The following STK33 variants were observed in gnomAD, a reference collection of about 807,000 sequenced individuals.
STK33 encodes serine/threonine kinase 33.
A neutral mutation model predicts 58.0 loss-of-function variants in STK33; 52 were observed. The observed-to-expected ratio is 0.90, with a 90% CI of 0.72 to 1.13. The LOEUF (loss-of-function observed/expected upper bound fraction) is 1.13, where lower values mean the gene tolerates loss of function less well. Ranked by LOEUF, STK33 falls within the 50% of genes most tolerant of loss-of-function variation. The pLI, the probability that STK33 is intolerant of heterozygous loss-of-function variation, is 0.00. For synonymous variants in STK33, 215 were observed against 200.1 expected (o/e 1.07, Z -0.63); for missense variants, 630 against 604.2 (o/e 1.04, Z -0.45).
chr11:8,545,765 A>T (rs1441642339), intron 1 of STK33, among the ~76,000 whole-genome samples: 4 of 152,192 alleles, frequency 2.6e-5, no homozygotes, highest in African/African-American at 9.7e-5. Context: ...TGACCAATAC[A>T]ATCCTGAGCA....
intron 1 of STK33, among the ~76,000 whole-genome samples, chr11:8,566,342 T>C (rs973973581): frequency 3.3e-5 from 5 of 152,240 alleles, no homozygotes; most frequent in East Asian, 1.9e-4. Flanking sequence ...TAGACCCACA[T>C]TGTCTTAAAA....
chr11:8,526,485 T>C (rs965793536), intron 1 of STK33, among the ~76,000 whole-genome samples: 3 of 152,150 alleles, frequency 2.0e-5, no homozygotes, highest in Admixed American at 6.5e-5. Flanking sequence ...GCATATCTTA[T>C]AACTCAAAAA....
chr11:8,446,823 T>C (rs990991429), intron 11 of STK33, among the ~76,000 whole-genome samples: 4 of 152,144 alleles, frequency 2.6e-5, no homozygotes, highest in African/African-American at 7.2e-5. Context: ...TAATTCAAGA[T>C]GGATTAAAGA....
the STK33 span, among the ~76,000 whole-genome samples, chr11:8,378,490 C>T: frequency 1.3e-5 from 2 of 152,168 alleles, no homozygotes; most frequent in Non-Finnish European, 2.9e-5. Flanking sequence ...TGCACTCCAG[C>T]CTGGGCAACA....
chr11:8,520,830 C>T (rs560185762), intron 1 of STK33, among the ~76,000 whole-genome samples: 105 of 151,906 alleles, frequency 6.9e-4, no homozygotes, highest in African/African-American at 2.4e-3. Flanking sequence ...AACCACTGCT[C>T]AATGAAATAA....
chr11:8,535,017 A>G (rs1298798698), intron 1 of STK33, among the ~76,000 whole-genome samples: 2 of 152,186 alleles, frequency 1.3e-5, no homozygotes, highest in Non-Finnish European at 2.9e-5. Flanking sequence ...GAGAGAGAGT[A>G]TGGAAAGTCA....
chr11:8,461,769 A>C (rs368337769), intron 8 of STK33, 36 bp downstream of exon 8: 2 of 1,466,064 alleles, frequency 1.4e-6, no homozygotes, highest in African/African-American at 2.9e-5. Context: ...TGTAATAATA[A>C]CAACTTTCAA....
chr11:8,450,292 A>G (rs956643378), intron 11 of STK33, among the ~76,000 whole-genome samples: 1 of 152,184 alleles, frequency 6.6e-6, no homozygotes, highest in African/African-American at 2.4e-5. Context: ...CATTCTCAGC[A>G]AAGTACCACA....
the STK33 span, among the ~76,000 whole-genome samples, chr11:8,344,650 T>C: frequency 6.6e-6 from 1 of 152,208 alleles, no homozygotes; most frequent in Admixed American, 6.5e-5. Flanking sequence ...GGGTATAAAA[T>C]GACCATTATT....
chr11:8,345,019 C>T, the STK33 span, among the ~76,000 whole-genome samples: 1 of 152,180 alleles, frequency 6.6e-6, no homozygotes, highest in East Asian at 1.9e-4. Context: ...TCAACGTCCC[C>T]AGCAGAAAGG....
rs937136413 is a variant in STK33 at position 8,496,775 on chromosome 11, C to T, written c.-465-16161G>A. Among the ~76,000 whole-genome samples, 37 of 151,964 alleles carry T rather than the reference C, an allele frequency of 2.4e-4. 1 individual carries two copies. The highest frequency in any genetic ancestry group is 3.3e-4 in the Admixed American group (5 of 15,246). ...ATTTTTAGTAGACACAGGATTTCAC[C>T]GTGTTAGCCAGGATGGTCTCGATCT... On this transcript the variant is annotated intron_variant, in intron 1 of 15. Transcript: ENST00000687296.
intron 1 of STK33, among the ~76,000 whole-genome samples, chr11:8,550,774 A>C (rs116829573): frequency 0.012 from 1,866 of 152,268 alleles, 38 homozygotes; most frequent in African/African-American, 0.043. Flanking sequence ...TTGGGCAAAG[A>C]ATTTTGGGCA....
chr11:8,344,327 A>T, the STK33 span, among the ~76,000 whole-genome samples: 4 of 152,114 alleles, frequency 2.6e-5, no homozygotes, highest in Non-Finnish European at 4.4e-5. Flanking sequence ...GGCTGCAGTG[A>T]GCTATGATTA....
chr11:8,366,165 AG>A, the STK33 span, among the ~76,000 whole-genome samples: 1 of 152,282 alleles, frequency 6.6e-6, no homozygotes, highest in South Asian at 2.1e-4. Flanking sequence ...AAGCATCAGA[AG>A]GGGATCCAGC....
chr11:8,492,612 A>G (rs1441390413), intron 1 of STK33, among the ~76,000 whole-genome samples: 1 of 152,218 alleles, frequency 6.6e-6, no homozygotes, highest in Non-Finnish European at 1.5e-5. Flanking sequence ...AGTCATCTAC[A>G]GAACTCTCCA....
chr11:8,390,671 T>C (rs959280871), downstream of STK33, among the ~76,000 whole-genome samples: 1 of 152,186 alleles, frequency 6.6e-6, no homozygotes, highest in South Asian at 2.1e-4. Flanking sequence ...GGGGCGTTAA[T>C]AGAATGCATC....
chr11:8,403,455 T>C (rs1025259909), intron 15 of STK33, among the ~76,000 whole-genome samples: 1 of 152,174 alleles, frequency 6.6e-6, no homozygotes, highest in Non-Finnish European at 1.5e-5. Flanking sequence ...CTATATATAA[T>C]CAAAATCTAT....
chr11:8,378,948 G>A, the STK33 span, among the ~76,000 whole-genome samples: 5 of 152,072 alleles, frequency 3.3e-5, no homozygotes, highest in East Asian at 1.9e-4. Context: ...AAGTAGACAC[G>A]TAGACCAATG....
intron 1 of STK33, among the ~76,000 whole-genome samples, chr11:8,592,331 C>A (rs1565440176): frequency 6.6e-6 from 1 of 152,258 alleles, no homozygotes; most frequent in East Asian, 1.9e-4. Context: ...GACTCCAATA[C>A]AAAAACCATC....
Sources: gnomAD v4.1 joint callset for allele counts (sites outside exome capture counted in the v4.1 genomes callset) on GRCh38, gnomAD v4.1.1 for gene constraint, MANE v1.5 for transcripts, NCBI Gene and HGNC (gene_info 2026-07-23, HGNC 2026-07-21) for gene names.